The following FAM53A variants were observed in gnomAD, a reference collection of about 807,000 sequenced individuals.
FAM53A encodes protein FAM53A.
FAM53A carries 28 observed loss-of-function variants against 26.6 expected under a neutral mutation model. The observed-to-expected ratio is 1.05, with a 90% CI of 0.78 to 1.45. The LOEUF is 1.45. Among genes scored for constraint, FAM53A ranks in the 40% most tolerant of loss-of-function variants. The pLI is 0.00. For synonymous variants in FAM53A, 290 were observed against 253.1 expected, an observed-to-expected ratio of 1.15 and a Z score of -1.38; for missense variants, 650 against 575.8, an observed-to-expected ratio of 1.13 and a Z score of -1.32.
At chr4:1,590,952 A>G in the FAM53A span, among the ~76,000 whole-genome samples, 1 of 69,902 alleles carries the variant, frequency 1.4e-5, no homozygotes. Flanking sequence ...ATATTATTTA[A>G]TGCATATATA....
the FAM53A span, among the ~76,000 whole-genome samples, chr4:1,579,793 C>G: frequency 2.6e-5 from 4 of 152,138 alleles, no homozygotes; most frequent in African/African-American, 7.2e-5. Flanking sequence ...TACGAAGGGG[C>G]GCGGCCCCAG....
At chr4:1,644,509 A>C in intron 4 of FAM53A, 1 of 884,348 alleles carries the variant, frequency 1.1e-6, no homozygotes, top group South Asian at 2.0e-5. Flanking sequence ...GACGGTGGAA[A>C]CCGAGGCCCA....
chr4:1,598,141 C>T, the FAM53A span, among the ~76,000 whole-genome samples: 1 of 152,210 alleles, frequency 6.6e-6, no homozygotes, highest in Non-Finnish European at 1.5e-5. Flanking sequence ...CCTTTGTGAG[C>T]CCCTAGGGGC....
chr4:1,644,596 C>T (rs1001403868), intron 4 of FAM53A: 5 of 451,930 alleles, frequency 1.1e-5, no homozygotes, highest in African/African-American at 2.0e-5. Flanking sequence ...CCCGGGGCTC[C>T]GTCCCAGCTC....
chr4:1,678,102 C>T (rs888369883), intron 1 of FAM53A, among the ~76,000 whole-genome samples: 1 of 152,118 alleles, frequency 6.6e-6, no homozygotes, highest in South Asian at 2.1e-4. Flanking sequence ...CCAGGCACAG[C>T]GGCTCACAAC....
At chr4:1,577,104 G>A in the FAM53A span, among the ~76,000 whole-genome samples, 2 of 152,178 alleles carry the variant, frequency 1.3e-5, no homozygotes, top group African/African-American at 2.4e-5. Context: ...CCGCACCAGG[G>A]TGTTGGGTCT....
At chr4:1,628,028 A>G (rs1577087526) in intron 1 of FAM53A, among the ~76,000 whole-genome samples, 1 of 11,684 alleles carries the variant, frequency 8.6e-5, no homozygotes, top group Non-Finnish European at 1.6e-4. Context: ...CTGGGTGGGG[A>G]GGGTGGCACG....
chr4:1,582,341 G>A, the FAM53A span, among the ~76,000 whole-genome samples: 1 of 152,168 alleles, frequency 6.6e-6, no homozygotes, highest in East Asian at 1.9e-4. Context: ...GTTCCTCCTG[G>A]ACCCAGCTGA....
the FAM53A span, among the ~76,000 whole-genome samples, chr4:1,589,326 T>C: frequency 2.6e-5 from 4 of 152,210 alleles, no homozygotes; most frequent in South Asian, 8.3e-4. Context: ...ATTCCTGAAA[T>C]AAACCTATTT....
At chr4:1,663,506 T>C (rs1714005276) in intron 2 of FAM53A, among the ~76,000 whole-genome samples, 1 of 151,762 alleles carries the variant, frequency 6.6e-6, no homozygotes. Flanking sequence ...TGGTGGTCTC[T>C]CAAACACGAA....
chr4:1,635,298 G>C (rs1317517274), downstream of FAM53A, among the ~76,000 whole-genome samples: 2 of 152,114 alleles, frequency 1.3e-5, no homozygotes, highest in African/African-American at 4.8e-5. Flanking sequence ...TTTTGAGACA[G>C]GGTCTCGCAC....
the FAM53A span, among the ~76,000 whole-genome samples, chr4:1,609,236 G>A: frequency 0.13 from 20,141 of 151,906 alleles, 1,833 homozygotes; most frequent in African/African-American, 0.25. Context: ...AGAGTCCGGG[G>A]CCTGGGGTCC....
upstream of FAM53A, among the ~76,000 whole-genome samples, chr4:1,684,719 C>G (rs1715702573): frequency 6.6e-6 from 1 of 151,580 alleles, no homozygotes; most frequent in African/African-American, 2.4e-5. Flanking sequence ...TCTCGGGGCC[C>G]GAGGCTCGCC....
chr4:1,658,759 C>T (rs764301701), intron 2 of FAM53A, among the ~76,000 whole-genome samples: 1 of 152,236 alleles, frequency 6.6e-6, no homozygotes, highest in Non-Finnish European at 1.5e-5. Flanking sequence ...GCAGGCGGGA[C>T]ACAGGGCCCT....
chr4:1,583,673 G>A, the FAM53A span, among the ~76,000 whole-genome samples: 3 of 152,338 alleles, frequency 2.0e-5, no homozygotes, highest in East Asian at 1.9e-4. Flanking sequence ...GCTGTGCTCC[G>A]CCTGATACCT....
chr4:1,645,837 A>G (rs28390216), intron 4 of FAM53A, among the ~76,000 whole-genome samples: 2,058 of 152,306 alleles, frequency 0.014, 44 homozygotes, highest in African/African-American at 0.047. Context: ...CAAACATTCC[A>G]TGTTCTTGAT....
At chr4:1,685,317 C>T (rs970994946), upstream of FAM53A, among the ~76,000 whole-genome samples, 3 of 152,080 alleles carry the variant, frequency 2.0e-5, no homozygotes, top group East Asian at 3.9e-4. Context: ...CAGTGCCTCC[C>T]CATGTGCGTC....
Position 1,654,197 on chromosome 4 carries a change from CG to C in FAM53A, c.882+780del, listed in dbSNP as rs113259974. Reference sequence around the variant, plus strand: ...TTTCTGCCACTGCCCAAAGCTTCCCCGACACAGATGACCCAGTGAGTGTGCA... The same window carrying C: ...TTTCTGCCACTGCCCAAAGCTTCCCCACACAGATGACCCAGTGAGTGTGCA... On this transcript the variant is annotated intron_variant, in intron 4 of 4. Coordinates refer to ENST00000308132, the MANE Select transcript of FAM53A (RefSeq NM_001174070.3). 6.6e-5 allele frequency among the ~76,000 whole-genome samples: 10 copies of C among 152,338 alleles called. 2 individuals carry two copies. The highest frequency in any genetic ancestry group is 2.2e-4 in the African/African-American group (9 of 41,580).
the FAM53A span, among the ~76,000 whole-genome samples, chr4:1,584,899 A>G: frequency 1.3e-5 from 2 of 152,258 alleles, no homozygotes; most frequent in South Asian, 4.1e-4. Flanking sequence ...TCCAGAGTTA[A>G]GGAGAGGAGA....
Sources: allele counts gnomAD v4.1 joint callset (sites outside exome capture counted in the v4.1 genomes callset), GRCh38; gene constraint gnomAD v4.1.1; transcripts MANE v1.5; gene names NCBI Gene and HGNC (gene_info 2026-07-23, HGNC 2026-07-21).